Variants in GAREM1 observed in about 807,000 individuals in gnomAD.
GAREM1 encodes GRB2-associated and regulator of MAPK protein 1.
A neutral mutation model predicts 71.3 loss-of-function variants in GAREM1; 26 were observed. That is an observed-to-expected ratio of 0.36 (90% CI 0.27 to 0.51). GAREM1 has a LOEUF of 0.51. Ranked by LOEUF, GAREM1 falls within the 20% of genes least tolerant of loss-of-function variation. The probability of loss-of-function intolerance (pLI) is 0.95; values close to 1 mark genes in which losing one functional copy is unlikely to be tolerated. For synonymous variants in GAREM1, 440 were observed against 433.2 expected (o/e 1.02, Z -0.20); for missense variants, 1,026 against 1,103.1 (o/e 0.93, Z 0.99).
intron 2 of GAREM1, among the ~76,000 whole-genome samples, chr18:32,324,515 C>T (rs1271268865): frequency 6.6e-6 from 1 of 152,050 alleles, no homozygotes; most frequent in East Asian, 1.9e-4. Context: ...TGTGCCAAAA[C>T]CGAAGTGATT....
chr18:32,401,568 GATA>G (rs35542058), intron 1 of GAREM1, among the ~76,000 whole-genome samples: 7,009 of 152,182 alleles, frequency 0.046, 240 homozygotes, highest in East Asian at 0.11. Context: ...GTTGGGCTTA[GATA>G]AGAGAGAGGC....
chr18:32,450,437 T>A (rs888786969), intron 1 of GAREM1, among the ~76,000 whole-genome samples: 2 of 152,180 alleles, frequency 1.3e-5, no homozygotes, highest in African/African-American at 4.8e-5. Flanking sequence ...AAAAAAACTG[T>A]TTAGGGGTTG....
intron 1 of GAREM1, among the ~76,000 whole-genome samples, chr18:32,413,995 G>T (rs2048444221): frequency 6.6e-6 from 1 of 152,068 alleles, no homozygotes; most frequent in African/African-American, 2.4e-5. Flanking sequence ...CTGAGACATG[G>T]AATATTTATC....
At chr18:32,367,107 C>T (rs2047934511) in intron 2 of GAREM1, among the ~76,000 whole-genome samples, 1 of 152,196 alleles carries the variant, frequency 6.6e-6, no homozygotes, top group Non-Finnish European at 1.5e-5. Context: ...AAACAGGACA[C>T]TGTACTCTCT....
At chr18:32,348,259 T>C (rs969501960) in intron 2 of GAREM1, among the ~76,000 whole-genome samples, 32 of 152,210 alleles carry the variant, frequency 2.1e-4, no homozygotes, top group African/African-American at 7.7e-4. Context: ...GTTTTGCCTA[T>C]GATTAACAAT....
chr18:32,415,401 C>T (rs2048457555), intron 1 of GAREM1, among the ~76,000 whole-genome samples: 1 of 150,430 alleles, frequency 6.6e-6, no homozygotes, highest in Non-Finnish European at 1.5e-5. Context: ...AAAGGCACAT[C>T]AAAACAAACA....
At chr18:32,356,210 A>T (rs1053294867) in intron 2 of GAREM1, among the ~76,000 whole-genome samples, 8 of 152,230 alleles carry the variant, frequency 5.3e-5, no homozygotes, top group African/African-American at 7.2e-5. Flanking sequence ...TTCCTTGAGA[A>T]AATGAGTAAT....
intron 1 of GAREM1, among the ~76,000 whole-genome samples, chr18:32,450,522 T>C (rs944104589): frequency 6.6e-6 from 1 of 152,206 alleles, no homozygotes; most frequent in African/African-American, 2.4e-5. Flanking sequence ...TCTTGATCAA[T>C]GTGATTCACT....
Position 32,392,894 on chromosome 18 carries a change from C to A in GAREM1, c.262+1G>T. The stretch of plus-strand genomic sequence containing the variant: ...CATCTTGGCCCTTGGAGGAGTCTTA[C>A]CTGCATAATGTACCGGAATCTCTAT... On this transcript the variant is annotated splice_donor_variant, in intron 2 of 5. Transcript: ENST00000269209. LOFTEE classifies it high-confidence loss of function. The A allele has an allele frequency of 1.2e-6, 2 of 1,613,618 alleles. No individual in the cohort carries two copies. The highest frequency in any genetic ancestry group is 1.7e-6 in the Non-Finnish European group (2 of 1,179,712).
chr18:32,381,912 C>T (rs924671516), intron 2 of GAREM1, among the ~76,000 whole-genome samples: 6 of 152,172 alleles, frequency 3.9e-5, no homozygotes, highest in Non-Finnish European at 8.8e-5. Flanking sequence ...CACCTGAAGG[C>T]CTCCCACTCC....
At chr18:32,435,925 A>C (rs1441535568) in intron 1 of GAREM1, among the ~76,000 whole-genome samples, 1 of 152,138 alleles carries the variant, frequency 6.6e-6, no homozygotes, top group Admixed American at 6.6e-5. Flanking sequence ...CAAGTAAAAA[A>C]ATTGCACCCA....
intron 1 of GAREM1, among the ~76,000 whole-genome samples, chr18:32,436,850 T>C (rs182255640): frequency 7.3e-4 from 111 of 152,272 alleles, no homozygotes; most frequent in African/African-American, 2.6e-3. Context: ...CAGTTTCAAA[T>C]CCTAGACTCC....
chr18:32,470,805 C>G lies in GAREM1; in HGVS notation c.-377G>C, dbSNP rs1255665114. ...CGCTCGCCTCCTCCTCCTCTTACCC[C>G]TCCTTCCCTCCGCCTCGAGCGTGTG... On this transcript the variant is annotated 5_prime_UTR_variant, in exon 1 of 6. Transcript: ENST00000269209. The surrounding 1 kb of genome is among the most constrained non-coding windows in gnomAD (Gnocchi z 4.4). Among the ~76,000 whole-genome samples the G allele has an allele frequency of 6.6e-6, 1 of 150,414 alleles. No homozygotes were observed. Among genetic ancestry groups the G allele is most frequent in the African/African-American group, 2.4e-5 (1 of 41,280 alleles).
chr18:32,370,574 T>C (rs1443670151), intron 2 of GAREM1, among the ~76,000 whole-genome samples: 1 of 152,228 alleles, frequency 6.6e-6, no homozygotes, highest in African/African-American at 2.4e-5. Context: ...CCTTGTGTAT[T>C]TGAAATTCCA....
intron 4 of GAREM1, among the ~76,000 whole-genome samples, chr18:32,285,482 T>C (rs577080294): frequency 1.3e-5 from 2 of 152,322 alleles, no homozygotes; most frequent in African/African-American, 4.8e-5. Context: ...TTTTCCCTCT[T>C]ACATGCTTAA....
chr18:32,285,621 C>T (rs1478104794), intron 4 of GAREM1, among the ~76,000 whole-genome samples: 4 of 152,324 alleles, frequency 2.6e-5, no homozygotes, highest in South Asian at 4.1e-4. Context: ...TCCATGGAGG[C>T]TCCTCTCATT....
intron 2 of GAREM1, among the ~76,000 whole-genome samples, chr18:32,364,131 T>C (rs926576350): frequency 1.9e-4 from 28 of 145,718 alleles, no homozygotes; most frequent in Admixed American, 1.7e-3. Context: ...ACCTCCCAGA[T>C]TCATGCGATT....
intron 2 of GAREM1, among the ~76,000 whole-genome samples, chr18:32,338,115 C>T (rs769829259): frequency 2.0e-5 from 3 of 152,122 alleles, no homozygotes; most frequent in South Asian, 2.1e-4. Context: ...AAAATGCAGA[C>T]GGAGGAAGGA....
intron 2 of GAREM1, among the ~76,000 whole-genome samples, chr18:32,337,086 C>A (rs1055405077): frequency 4.6e-5 from 7 of 152,098 alleles, no homozygotes; most frequent in Non-Finnish European, 8.8e-5. Flanking sequence ...TTGTGAAAAC[C>A]CAATGAGAGA....
Sources: allele counts gnomAD v4.1 joint callset (sites outside exome capture counted in the v4.1 genomes callset), GRCh38; gene constraint gnomAD v4.1.1; non-coding constraint Gnocchi (gnomAD v3.1); transcripts MANE v1.5; gene names NCBI Gene and HGNC (gene_info 2026-07-23, HGNC 2026-07-21).